Variants in ATXN7L1 observed in about 807,000 individuals in gnomAD.
ATXN7L1 encodes the protein ataxin-7-like protein 1.
A neutral mutation model predicts 70.8 loss-of-function variants in ATXN7L1; 15 were observed. The ratio of observed to expected loss-of-function variants is 0.21; its 90% CI spans 0.14 to 0.33. The LOEUF (loss-of-function observed/expected upper bound fraction) is 0.33, where lower values mean the gene tolerates loss of function less well. ATXN7L1 is among the 10% of genes least tolerant of loss of function. The pLI, the probability that ATXN7L1 is intolerant of heterozygous loss-of-function variation, is 1.00. For synonymous variants in ATXN7L1, 440 were observed against 445.1 expected (o/e 0.99, Z 0.14); for missense variants, 975 against 1,097.1 (o/e 0.89, Z 1.57).
At chr7:105,679,995 T>C (rs747922173) in intron 3 of ATXN7L1, among the ~76,000 whole-genome samples, 4 of 151,148 alleles carry the variant, frequency 2.6e-5, no homozygotes, top group Admixed American at 6.6e-5. Flanking sequence ...CTGTGTGGCA[T>C]CCAACATTTC....
At chr7:105,736,628 A>T (rs571227626) in intron 3 of ATXN7L1, among the ~76,000 whole-genome samples, 1 of 152,294 alleles carries the variant, frequency 6.6e-6, no homozygotes, top group South Asian at 2.1e-4. Flanking sequence ...ACTTTTATTG[A>T]GATGGGACAG....
At chr7:105,701,617 C>T (rs1030163836) in intron 3 of ATXN7L1, among the ~76,000 whole-genome samples, 35 of 152,184 alleles carry the variant, frequency 2.3e-4, no homozygotes, top group Non-Finnish European at 4.6e-4. Flanking sequence ...ATTTGCACCC[C>T]ATCCCATCCT....
At chr7:105,615,729 A>C (rs1793791220) in intron 9 of ATXN7L1, among the ~76,000 whole-genome samples, 1 of 152,070 alleles carries the variant, frequency 6.6e-6, no homozygotes, top group South Asian at 2.1e-4. Flanking sequence ...TCTGAAGATA[A>C]ATGTAGGATG....
chr7:105,660,460 A>AT lies in ATXN7L1; in HGVS notation c.578+4605dup, dbSNP rs5886363. Among the ~76,000 whole-genome samples the AT allele has an allele frequency of 5.2e-3, 763 of 147,632 alleles. 4 individuals carry two copies. Among genetic ancestry groups the AT allele is most frequent in the South Asian group, 0.018 (83 of 4,668 alleles). On this transcript the variant is annotated intron_variant, in intron 4 of 11. Transcript: ENST00000419735. Reference sequence around the variant, plus strand: ...CACCCTTCCAACTCTCTTAGATAGAATTTTTTTTTTTTTTGGTGGTAAAAT... The same window carrying AT: ...CACCCTTCCAACTCTCTTAGATAGAATTTTTTTTTTTTTTTGGTGGTAAAAT...
chr7:105,829,695 A>G (rs1280230487), intron 2 of ATXN7L1, among the ~76,000 whole-genome samples: 1 of 152,242 alleles, frequency 6.6e-6, no homozygotes. Flanking sequence ...CATTATCAAA[A>G]TGCATTTACT....
chr7:105,753,038 G>A (rs1046002345), intron 3 of ATXN7L1, among the ~76,000 whole-genome samples: 11 of 152,226 alleles, frequency 7.2e-5, no homozygotes, highest in Non-Finnish European at 1.0e-4. Context: ...TTAAATGATT[G>A]TAACACAGCC....
chr7:105,704,801 G>C (rs913904669), intron 3 of ATXN7L1, among the ~76,000 whole-genome samples: 3 of 151,596 alleles, frequency 2.0e-5, no homozygotes, highest in Non-Finnish European at 2.9e-5. Flanking sequence ...AGTAGAGATG[G>C]CGTTTCACTA....
intron 2 of ATXN7L1, among the ~76,000 whole-genome samples, chr7:105,863,681 C>T (rs940066065): frequency 2.0e-5 from 3 of 152,170 alleles, no homozygotes; most frequent in African/African-American, 4.8e-5. Context: ...AGCTATGTTA[C>T]CTTGGGTAAA....
At chr7:105,821,250 G>A (rs1005113918) in intron 2 of ATXN7L1, among the ~76,000 whole-genome samples, 3 of 152,096 alleles carry the variant, frequency 2.0e-5, no homozygotes, top group Non-Finnish European at 1.5e-5. Context: ...TGTTGGTCAG[G>A]CTGGTCTTGA....
chr7:105,820,809 G>C (rs1475413154), intron 2 of ATXN7L1, among the ~76,000 whole-genome samples: 1 of 152,168 alleles, frequency 6.6e-6, no homozygotes, highest in Non-Finnish European at 1.5e-5. Flanking sequence ...TCGCCTTGGT[G>C]ATAAGTGAGT....
In ATXN7L1 at chr7:105,863,113, T is replaced by A. The variant is rs1457679528; in HGVS notation, c.250+12699A>T. On this transcript the variant is annotated intron_variant, in intron 2 of 11. Transcript: ENST00000419735. ...ACAATCCCAATGCCATGAGGGAAACTGAACAGCGGCCTAGAAGATGTTCAA... is the reference window on the plus strand; with the variant it reads ...ACAATCCCAATGCCATGAGGGAAACAGAACAGCGGCCTAGAAGATGTTCAA... Among the ~76,000 whole-genome samples, 3 of 152,202 alleles carry A rather than the reference T, an allele frequency of 2.0e-5. No homozygotes were observed. The East Asian group carries it at 5.8e-4, about 29-fold the overall frequency.
chr7:105,810,119 T>A (rs974540028), intron 2 of ATXN7L1, among the ~76,000 whole-genome samples: 2 of 152,222 alleles, frequency 1.3e-5, no homozygotes, highest in Non-Finnish European at 2.9e-5. Context: ...CTGTACAGTT[T>A]AAAATTTCTA....
chr7:105,655,836 G>A (rs1006482317), intron 4 of ATXN7L1, among the ~76,000 whole-genome samples: 16 of 152,132 alleles, frequency 1.1e-4, no homozygotes, highest in African/African-American at 3.9e-4. Flanking sequence ...ATTTGGAGAG[G>A]AGCCCCGCCT....
At chr7:105,703,161 G>A (rs975814491) in intron 3 of ATXN7L1, among the ~76,000 whole-genome samples, 1 of 151,390 alleles carries the variant, frequency 6.6e-6, no homozygotes, top group Non-Finnish European at 1.5e-5. Flanking sequence ...AAAATTAGCT[G>A]GGCGTGGTGG....
At chr7:105,836,910 T>C (rs1812461840) in intron 2 of ATXN7L1, among the ~76,000 whole-genome samples, 1 of 151,930 alleles carries the variant, frequency 6.6e-6, no homozygotes, top group Non-Finnish European at 1.5e-5. Flanking sequence ...ATACAAAAAT[T>C]AGCCGGGTGT....
intron 5 of ATXN7L1, among the ~76,000 whole-genome samples, chr7:105,640,258 C>G (rs778051086): frequency 1.6e-4 from 25 of 152,202 alleles, no homozygotes; most frequent in Admixed American, 7.9e-4. Context: ...CAGGGGCCTG[C>G]TAATCTCACA....
At chr7:105,767,307 C>T (rs146036161) in intron 3 of ATXN7L1, among the ~76,000 whole-genome samples, 299 of 152,238 alleles carry the variant, frequency 2.0e-3, no homozygotes, top group African/African-American at 7.0e-3. Context: ...AGAGGGTCCA[C>T]CTGAGCAAAA....
At chr7:105,612,617 C>T (rs181507603) in intron 10 of ATXN7L1, among the ~76,000 whole-genome samples, 292 of 152,290 alleles carry the variant, frequency 1.9e-3, no homozygotes, top group African/African-American at 6.8e-3. Flanking sequence ...CAGCCCCCCT[C>T]CCTCACACCC....
intron 3 of ATXN7L1, among the ~76,000 whole-genome samples, chr7:105,782,117 A>G (rs1803618510): frequency 6.6e-6 from 1 of 152,186 alleles, no homozygotes; most frequent in Non-Finnish European, 1.5e-5. Context: ...TACAGATGTG[A>G]GCCACTGCGC....
Sources: allele counts gnomAD v4.1 joint callset (sites outside exome capture counted in the v4.1 genomes callset), GRCh38; gene constraint gnomAD v4.1.1; transcripts MANE v1.5; gene names NCBI Gene and HGNC (gene_info 2026-07-23, HGNC 2026-07-21).